CDH18: variants seen among roughly 807,000 people sequenced by gnomAD.
The protein encoded by CDH18 is cadherin 18.
CDH18 carries 31 observed loss-of-function variants against 67.9 expected under a neutral mutation model. That is an observed-to-expected ratio of 0.46 (90% CI 0.34 to 0.62). The LOEUF (loss-of-function observed/expected upper bound fraction) is 0.62, where lower values mean the gene tolerates loss of function less well. Ranked by LOEUF, CDH18 falls within the 20% of genes least tolerant of loss-of-function variation. CDH18 has a pLI of 0.01. For missense variants in CDH18, 890 were observed against 975.5 expected, an observed-to-expected ratio of 0.91 and a Z score of 1.17; for synonymous variants, 362 against 347.2, an observed-to-expected ratio of 1.04 and a Z score of -0.48.
At chr5:20,255,809 A>T (rs972130525) in intron 1 of CDH18, among the ~76,000 whole-genome samples, 7 of 152,090 alleles carry the variant, frequency 4.6e-5, no homozygotes, top group African/African-American at 1.7e-4. Flanking sequence ...TTTTAATTTC[A>T]GTGTTACAAT....
intron 2 of CDH18, among the ~76,000 whole-genome samples, chr5:20,036,431 A>T (rs1369317094): frequency 6.6e-6 from 1 of 152,018 alleles, no homozygotes; most frequent in Non-Finnish European, 1.5e-5. Flanking sequence ...AAGGAGTGAA[A>T]AAAAGAGGAG....
chr5:20,304,291 T>C lies in CDH18; in HGVS notation c.-579-48786A>G, dbSNP rs1736217291. On this transcript the variant is annotated intron_variant, in intron 1 of 14. Coordinates refer to the CDH18 transcript ENST00000507958. ...GCACCAAAAGCTGTGTCTTCTGATT[T>C]GCTGTAGGTTTTAAATGCAGAGTAC... 3 of 1,602,972 alleles carry C rather than the reference T, an allele frequency of 1.9e-6. No individual in the cohort carries two copies. The African/African-American group carries it at 4.0e-5, about 21-fold the overall frequency.
chr5:19,570,406 T>G (rs983958910), intron 8 of CDH18, among the ~76,000 whole-genome samples: 1 of 152,190 alleles, frequency 6.6e-6, no homozygotes, highest in Non-Finnish European at 1.5e-5. Flanking sequence ...GTTGAATATC[T>G]ACATTTGTGC....
chr5:20,384,881 G>A (rs1283941902), intron 1 of CDH18, among the ~76,000 whole-genome samples: 1 of 152,096 alleles, frequency 6.6e-6, no homozygotes, highest in African/African-American at 2.4e-5. Context: ...CTGCCATCCA[G>A]GCTGGAGTGC....
chr5:19,822,147 A>C (rs1028829513), intron 3 of CDH18, among the ~76,000 whole-genome samples: 1 of 152,148 alleles, frequency 6.6e-6, no homozygotes, highest in Non-Finnish European at 1.5e-5. Flanking sequence ...TAGGTGCTCT[A>C]AACACTCTCA....
In CDH18 at chr5:20,438,547, G is replaced by GTAA. The variant is rs1243625329; in HGVS notation, c.-580+136912_-580+136914dup. ...TGAGAATGAATAAATTCAATCTCATGTAAATGTATTACAAACCAGCAATGA... is the reference window on the plus strand; with the variant it reads ...TGAGAATGAATAAATTCAATCTCATGTAATAAATGTATTACAAACCAGCAATGA... On this transcript the variant is annotated intron_variant, in intron 1 of 14. Transcript: ENST00000507958. Among the ~76,000 whole-genome samples the GTAA allele has an allele frequency of 9.1e-4, 138 of 151,424 alleles. 4 individuals are homozygous for GTAA. The highest frequency in any genetic ancestry group is 3.2e-3 in the African/African-American group (132 of 41,174).
At chr5:20,049,969 A>T (rs1267498416) in intron 2 of CDH18, among the ~76,000 whole-genome samples, 1 of 151,784 alleles carries the variant, frequency 6.6e-6, no homozygotes, top group Non-Finnish European at 1.5e-5. Context: ...AAAACACAAG[A>T]TATAGTGACA....
At chr5:19,622,495 T>C (rs1202576619) in intron 5 of CDH18, among the ~76,000 whole-genome samples, 1 of 152,142 alleles carries the variant, frequency 6.6e-6, no homozygotes, top group African/African-American at 2.4e-5. Context: ...GTCATCTGGG[T>C]CTATTTGCCT....
intron 5 of CDH18, among the ~76,000 whole-genome samples, chr5:19,656,696 G>A (rs1166471330): frequency 1.3e-5 from 2 of 152,010 alleles, no homozygotes; most frequent in Non-Finnish European, 2.9e-5. Context: ...CTAGGTTTCT[G>A]TTGACAAATA....
At chr5:19,831,122 A>G (rs1275244671) in intron 3 of CDH18, among the ~76,000 whole-genome samples, 7 of 152,134 alleles carry the variant, frequency 4.6e-5, no homozygotes, top group Admixed American at 3.9e-4. Flanking sequence ...TAATCTGTAC[A>G]ATAAACCCAT....
At chr5:19,853,404 C>G (rs1295199767) in intron 2 of CDH18, among the ~76,000 whole-genome samples, 1 of 152,062 alleles carries the variant, frequency 6.6e-6, no homozygotes, top group African/African-American at 2.4e-5. Context: ...GTACAGCCAC[C>G]CTGGGGGTTC....
intron 2 of CDH18, among the ~76,000 whole-genome samples, chr5:19,844,676 A>G (rs962409763): frequency 5.3e-5 from 8 of 152,218 alleles, no homozygotes; most frequent in African/African-American, 1.7e-4. Context: ...AAGATGTAGG[A>G]ACAGTTGAGA....
intron 1 of CDH18, among the ~76,000 whole-genome samples, chr5:20,274,741 G>C (rs1745680114): frequency 1.3e-5 from 2 of 152,120 alleles, no homozygotes; most frequent in African/African-American, 4.8e-5. Flanking sequence ...TGTCTTACAA[G>C]AAAGCCATTC....
intron 3 of CDH18, among the ~76,000 whole-genome samples, chr5:19,810,905 C>G (rs939816590): frequency 4.6e-5 from 7 of 151,812 alleles, no homozygotes; most frequent in African/African-American, 1.7e-4. Context: ...TGCCTGTAAT[C>G]CCAGCTACTT....
chr5:19,647,024 A>T (rs1429344467), intron 5 of CDH18, among the ~76,000 whole-genome samples: 2 of 152,122 alleles, frequency 1.3e-5, no homozygotes, highest in East Asian at 1.9e-4. Flanking sequence ...GCATTTTTTT[A>T]AATTGCAAAG....
chr5:20,327,976 T>A (rs1193378020), intron 1 of CDH18, among the ~76,000 whole-genome samples: 1 of 150,890 alleles, frequency 6.6e-6, no homozygotes, highest in Non-Finnish European at 1.5e-5. Flanking sequence ...ATATGTGGGG[T>A]TTTTATAGCT....
At chr5:20,131,859 G>C (rs912151380) in intron 2 of CDH18, among the ~76,000 whole-genome samples, 3 of 151,946 alleles carry the variant, frequency 2.0e-5, no homozygotes, top group African/African-American at 7.3e-5. Context: ...TTCACATATA[G>C]CTTTACAATA....
intron 2 of CDH18, among the ~76,000 whole-genome samples, chr5:20,099,697 A>C (rs1329066669): frequency 6.6e-6 from 1 of 152,234 alleles, no homozygotes; most frequent in Non-Finnish European, 1.5e-5. Flanking sequence ...ACCTTCAAAA[A>C]TATTAGAAGA....
chr5:19,640,836 A>T (rs1402627070), intron 5 of CDH18, among the ~76,000 whole-genome samples: 2 of 152,056 alleles, frequency 1.3e-5, no homozygotes, highest in Non-Finnish European at 2.9e-5. Flanking sequence ...GAATAAAAAA[A>T]ATATAAGGAT....
Sources: gnomAD v4.1 joint callset for allele counts (sites outside exome capture counted in the v4.1 genomes callset) on GRCh38, gnomAD v4.1.1 for gene constraint, MANE v1.5 for transcripts, NCBI Gene and HGNC (gene_info 2026-07-23, HGNC 2026-07-21) for gene names.